GRIK3: variants seen among roughly 807,000 people sequenced by gnomAD.
GRIK3 encodes glutamate receptor ionotropic, kainate 3.
A neutral mutation model predicts 102.5 loss-of-function variants in GRIK3; 29 were observed. The observed-to-expected ratio is 0.28, with a 90% CI of 0.21 to 0.39. The LOEUF (loss-of-function observed/expected upper bound fraction) is 0.39. GRIK3 is among the 10% of genes least tolerant of loss of function. GRIK3 has a pLI of 1.00. For synonymous variants in GRIK3, 511 were observed against 504.9 expected, an observed-to-expected ratio of 1.01 and a Z score of -0.16; for missense variants, 908 against 1,252.4, an observed-to-expected ratio of 0.73 and a Z score of 4.15.
At chr1:36,941,556 G>C (rs1036838637) in intron 1 of GRIK3, among the ~76,000 whole-genome samples, 14 of 152,018 alleles carry the variant, frequency 9.2e-5, no homozygotes, top group Non-Finnish European at 1.9e-4. Context: ...GTGGGGTGGA[G>C]GGGGGGAGTG....
chr1:36,990,055 T>G (rs963037388), intron 1 of GRIK3, among the ~76,000 whole-genome samples: 1 of 152,174 alleles, frequency 6.6e-6, no homozygotes, highest in Non-Finnish European at 1.5e-5. Flanking sequence ...GTGTAGCTTC[T>G]GAGTGGACCC....
chr1:36,951,882 C>T (rs1485604450), intron 1 of GRIK3, among the ~76,000 whole-genome samples: 1 of 152,134 alleles, frequency 6.6e-6, no homozygotes, highest in Non-Finnish European at 1.5e-5. Flanking sequence ...CCACAGGAGG[C>T]AGGGCAGGTA....
rs908740200 is a variant in GRIK3 at position 36,872,004 on chromosome 1, C to T, written c.732+184G>A. 6.6e-6 allele frequency among the ~76,000 whole-genome samples: 1 copy of T among 152,168 alleles called. No individual in the cohort carries two copies. Among genetic ancestry groups the T allele is most frequent in the Non-Finnish European group, 1.5e-5 (1 of 68,040 alleles). On this transcript the variant is annotated intron_variant, in intron 4 of 15. Coordinates refer to ENST00000373091, the MANE Select transcript of GRIK3 (RefSeq NM_000831.4). This position sits in a 1 kb window ranked among gnomAD's most constrained non-coding sequence, Gnocchi z 5.9. ...CTCACAGAGTAAATACTGCAGTGTC[C>T]GTTTTGCTACTGGTGAAAATGAGGC...
intron 3 of GRIK3, among the ~76,000 whole-genome samples, chr1:36,874,168 A>G (rs1306905075): frequency 6.6e-6 from 1 of 152,184 alleles, no homozygotes; most frequent in African/African-American, 2.4e-5. Context: ...GCCCTCTCCA[A>G]AAGCCTTCCG....
At chr1:37,002,507 G>A (rs988572558) in intron 1 of GRIK3, among the ~76,000 whole-genome samples, 2 of 152,174 alleles carry the variant, frequency 1.3e-5, no homozygotes, top group East Asian at 3.9e-4. Flanking sequence ...GGATCAAGCT[G>A]TGCACTTGAA....
chr1:36,814,509 ACCC>A lies in GRIK3; in HGVS notation c.2091+2548_2091+2550del, dbSNP rs376040990. Among the ~76,000 whole-genome samples, 21 of 84,162 alleles carry A rather than the reference ACCC, an allele frequency of 2.5e-4. 1 individual carries two copies. Among genetic ancestry groups the A allele is most frequent in the African/African-American group, 9.0e-4 (20 of 22,276 alleles). The allele number at this position is 84,162 out of a possible 152,430, so 55.2% of individuals were successfully genotyped here. A position where few individuals can be genotyped will look rare whatever the true frequency, so the allele number is the denominator to read the frequency against. Reference sequence around the variant, plus strand: ...CATGGACCATTATACACATACATAGACCCCCCCCCCCCACACACAGAGACACAT... The same window carrying A: ...CATGGACCATTATACACATACATAGACCCCCCCCCACACACAGAGACACAT... On this transcript the variant is annotated intron_variant, in intron 13 of 15. Coordinates refer to ENST00000373091, the MANE Select transcript of GRIK3 (RefSeq NM_000831.4).
intron 1 of GRIK3, among the ~76,000 whole-genome samples, chr1:36,938,792 A>C (rs1001118641): frequency 1.3e-5 from 2 of 152,196 alleles, no homozygotes; most frequent in Non-Finnish European, 2.9e-5. Context: ...CTGACCCAAG[A>C]TTAGCCAATG....
intron 1 of GRIK3, among the ~76,000 whole-genome samples, chr1:36,952,353 CCT>C (rs1253493310): frequency 6.6e-6 from 1 of 152,110 alleles, no homozygotes; most frequent in African/African-American, 2.4e-5. Flanking sequence ...CATCTCTGTG[CCT>C]CTGTTCCCAG....
At chr1:37,024,445 CTAT>C (rs10630686) in intron 1 of GRIK3, among the ~76,000 whole-genome samples, 3,005 of 145,604 alleles carry the variant, frequency 0.021, 79 homozygotes, top group African/African-American at 0.061. Context: ...GCAGGTACAA[CTAT>C]TATTATTATT....
intron 1 of GRIK3, among the ~76,000 whole-genome samples, chr1:36,940,365 A>G (rs988349272): frequency 1.3e-5 from 2 of 152,196 alleles, no homozygotes; most frequent in Non-Finnish European, 2.9e-5. Context: ...CTTTGTCTCT[A>G]TTGCATCTGA....
chr1:37,022,699 G>GT (rs1475786393), intron 1 of GRIK3, among the ~76,000 whole-genome samples: 7 of 152,334 alleles, frequency 4.6e-5, no homozygotes, highest in Non-Finnish European at 8.8e-5. Context: ...AATGGAAAAA[G>GT]TGTTGAGCTG....
intron 10 of GRIK3, 90 bp from the exon 11 acceptor site, chr1:36,825,916 G>C (rs1292496363): frequency 5.4e-6 from 5 of 923,224 alleles, no homozygotes; most frequent in African/African-American, 1.7e-5. Flanking sequence ...AGAGATGAGG[G>C]TGAAGTCAGT....
chr1:36,915,912 T>C (rs114382982), intron 1 of GRIK3, among the ~76,000 whole-genome samples: 22 of 152,308 alleles, frequency 1.4e-4, no homozygotes, highest in Non-Finnish European at 1.8e-4. Context: ...GCTGAAAAGA[T>C]ACCTGAAAAT....
In GRIK3 at chr1:36,880,694, G is replaced by C. The variant is rs147257341; in HGVS notation, c.490C>G (p.Leu164Val). ...CACTTGAGGTACTGGACCAGGTCGA[G>C]GATGGCATGGCTGAGCGAGGCGTAG... ...PDYASLSHAI[L>V]DLVQYLKWRS... Residue 164 changes from leucine (L) to valine (V), a missense_variant, in exon 3 of 16, where the codon CTC becomes GTC. Physicochemically the swap from Leu to Val is conservative, Grantham distance 32. Coordinates refer to ENST00000373091, the MANE Select transcript of GRIK3 (RefSeq NM_000831.4). This position sits in a 1 kb window ranked among gnomAD's most constrained non-coding sequence, Gnocchi z 5.4. The C allele has an allele frequency of 6.2e-7, 1 of 1,614,026 alleles. No homozygotes were observed. The highest frequency in any genetic ancestry group is 1.3e-5 in the African/African-American group (1 of 74,914).
At chr1:36,895,398 G>A (rs1160158108) in intron 1 of GRIK3, among the ~76,000 whole-genome samples, 1 of 151,984 alleles carries the variant, frequency 6.6e-6, no homozygotes, top group Non-Finnish European at 1.5e-5. Flanking sequence ...AGGACAGCAT[G>A]CAAGAACAGA....
chr1:36,823,774 C>T (rs1007193862), intron 11 of GRIK3, among the ~76,000 whole-genome samples: 6 of 152,134 alleles, frequency 3.9e-5, no homozygotes, highest in African/African-American at 1.4e-4. Flanking sequence ...TGGATTTGAA[C>T]TTTATATCTG....
chr1:36,851,691 G>C (rs1271505980), intron 8 of GRIK3, among the ~76,000 whole-genome samples: 2 of 152,234 alleles, frequency 1.3e-5, no homozygotes, highest in Admixed American at 6.5e-5. Flanking sequence ...CTCACAGTCC[G>C]GGTGGCTGTG....
Position 37,033,987 on chromosome 1 carries a change from C to G in GRIK3, c.115+7G>C. ...CACGGAGACCCCCGGCTCCAGGGAG[C>G]GCTTACCGATCCGGATGACGTGGGG... is the stretch of plus-strand genomic sequence containing the variant. On this transcript the variant is annotated splice_region_variant and intron_variant, in intron 1 of 15. Coordinates refer to ENST00000373091, the MANE Select transcript of GRIK3 (RefSeq NM_000831.4). 1.3e-6 allele frequency: 2 copies of G among 1,549,314 alleles called. No homozygotes were observed. Among genetic ancestry groups the G allele is most frequent in the South Asian group, 2.3e-5 (2 of 86,396 alleles).
chr1:37,015,045 G>A (rs1204747394), intron 1 of GRIK3, among the ~76,000 whole-genome samples: 1 of 151,876 alleles, frequency 6.6e-6, no homozygotes, highest in East Asian at 1.9e-4. Flanking sequence ...GGTTCATTCA[G>A]GGGTTAAAAT....
Sources: gnomAD v4.1 joint callset for allele counts (sites outside exome capture counted in the v4.1 genomes callset) on GRCh38, gnomAD v4.1.1 for gene constraint, Gnocchi (gnomAD v3.1) non-coding constraint, MANE v1.5 for transcripts, NCBI Gene and HGNC (gene_info 2026-07-23, HGNC 2026-07-21) for gene names.